Variants in IQCJ observed in about 807,000 individuals in gnomAD.
The protein encoded by IQCJ is IQ domain-containing protein J.
Under a neutral mutation model 11.0 loss-of-function variants are expected in IQCJ, and 9 were observed. That is an observed-to-expected ratio of 0.82 (90% confidence interval 0.49 to 1.43). The LOEUF (loss-of-function observed/expected upper bound fraction) is 1.43, where lower values mean the gene tolerates loss of function less well. IQCJ is among the 40% of genes most tolerant of loss of function. IQCJ has a pLI of 0.00. For missense variants in IQCJ, 146 were observed against 133.2 expected (o/e 1.10, Z -0.47); for synonymous variants, 55 against 51.3 (o/e 1.07, Z -0.31).
intron 1 of IQCJ, among the ~76,000 whole-genome samples, chr3:159,109,652 GGTGTGGGT>G (rs1478097744): frequency 3.3e-5 from 5 of 151,706 alleles, no homozygotes; most frequent in East Asian, 1.9e-4. Context: ...GATTTTCTTT[GGTGTGGGT>G]GTGTGGGTGT....
intron 1 of IQCJ, among the ~76,000 whole-genome samples, chr3:159,159,608 A>G (rs1201268120): frequency 6.6e-6 from 1 of 152,054 alleles, no homozygotes; most frequent in East Asian, 1.9e-4. Flanking sequence ...CATGTAATTT[A>G]TTTTCTGTCT....
intron 2 of IQCJ, among the ~76,000 whole-genome samples, chr3:159,246,759 G>T (rs1727297216): frequency 6.6e-6 from 1 of 152,212 alleles, no homozygotes; most frequent in Admixed American, 6.5e-5. Flanking sequence ...GAGAAAAGAA[G>T]TCTCAGAAGA....
chr3:159,123,714 C>T (rs1316401555), intron 1 of IQCJ, among the ~76,000 whole-genome samples: 1 of 152,134 alleles, frequency 6.6e-6, no homozygotes, highest in African/African-American at 2.4e-5. Context: ...TTTGATTTTC[C>T]AGCTCCAAGC....
At chr3:159,149,661 C>G (rs1360126697) in intron 1 of IQCJ, among the ~76,000 whole-genome samples, 2 of 152,160 alleles carry the variant, frequency 1.3e-5, no homozygotes, top group African/African-American at 4.8e-5. Context: ...GCATAGTCTC[C>G]TGGTGTAAGC....
intron 1 of IQCJ, among the ~76,000 whole-genome samples, chr3:159,192,300 ATT>A (rs3030045): frequency 0.68 from 103,074 of 151,854 alleles, 35,628 homozygotes; most frequent in African/African-American, 0.8. Context: ...ATCAAGGGCA[ATT>A]TTTGGGGTGG....
chr3:159,211,331 A>T (rs1560027051), intron 1 of IQCJ, among the ~76,000 whole-genome samples: 1 of 152,232 alleles, frequency 6.6e-6, no homozygotes, highest in Non-Finnish European at 1.5e-5. Context: ...CTTGAAAAGC[A>T]TTTTAACAAA....
chr3:159,163,262 G>T (rs1721975855), intron 1 of IQCJ, among the ~76,000 whole-genome samples: 1 of 152,144 alleles, frequency 6.6e-6, no homozygotes, highest in South Asian at 2.1e-4. Flanking sequence ...TGCAAGCCTG[G>T]TTCAATATAC....
At chr3:159,204,600 T>C (rs1210967172) in intron 1 of IQCJ, among the ~76,000 whole-genome samples, 2 of 152,184 alleles carry the variant, frequency 1.3e-5, no homozygotes, top group African/African-American at 4.8e-5. Flanking sequence ...TTCAGCTATA[T>C]TGTATTGGTT....
chr3:159,260,853 A>G (rs554819240), intron 3 of IQCJ, among the ~76,000 whole-genome samples: 2 of 152,076 alleles, frequency 1.3e-5, no homozygotes, highest in South Asian at 2.1e-4. Flanking sequence ...ACAATTCTAT[A>G]CAAATCATGA....
At chr3:159,071,806 T>C (rs1300441854) in intron 1 of IQCJ, among the ~76,000 whole-genome samples, 1 of 152,102 alleles carries the variant, frequency 6.6e-6, no homozygotes, top group Non-Finnish European at 1.5e-5. Context: ...CAGGCCTTTA[T>C]TTTATGAAAC....
At chr3:159,201,044 G>A (rs73164398) in intron 1 of IQCJ, among the ~76,000 whole-genome samples, 24,999 of 152,128 alleles carry the variant, frequency 0.16, 2,659 homozygotes, top group South Asian at 0.36. Flanking sequence ...AAGTAAAGAA[G>A]TATATGTAGT....
At chr3:159,218,732 T>G (rs1725374579) in intron 1 of IQCJ, among the ~76,000 whole-genome samples, 1 of 152,124 alleles carries the variant, frequency 6.6e-6, no homozygotes, top group Non-Finnish European at 1.5e-5. Context: ...GAGTGAATCT[T>G]TGTATTAGTT....
intron 3 of IQCJ, among the ~76,000 whole-genome samples, chr3:159,256,395 G>A (rs928972267): frequency 6.6e-6 from 1 of 152,142 alleles, no homozygotes; most frequent in East Asian, 1.9e-4. Context: ...GAGAGAGATA[G>A]CATTCCCAAA....
At chr3:159,101,067 C>T (rs1184541678) in intron 1 of IQCJ, among the ~76,000 whole-genome samples, 1 of 85,646 alleles carries the variant, frequency 1.2e-5, no homozygotes, top group Non-Finnish European at 2.4e-5. Context: ...GATATAGTCT[C>T]GTGGTGCGCC....
intron 1 of IQCJ, among the ~76,000 whole-genome samples, chr3:159,169,478 G>A (rs1001271678): frequency 6.6e-6 from 1 of 151,156 alleles, no homozygotes; most frequent in African/African-American, 2.4e-5. Context: ...GTAGAGGCGG[G>A]GTGGTTTCAC....
chr3:159,137,773 T>A (rs2108173609), intron 1 of IQCJ, among the ~76,000 whole-genome samples: 1 of 152,288 alleles, frequency 6.6e-6, no homozygotes, highest in African/African-American at 2.4e-5. Flanking sequence ...CTATTTTTCA[T>A]CTCTAATGCT....
At chr3:159,076,034 T>G (rs1185237576) in intron 1 of IQCJ, among the ~76,000 whole-genome samples, 1 of 152,130 alleles carries the variant, frequency 6.6e-6, no homozygotes, top group Non-Finnish European at 1.5e-5. Context: ...CTCTCAAACT[T>G]TCCTGTATAC....
chr3:159,129,465 T>A (rs1377079876), intron 1 of IQCJ, among the ~76,000 whole-genome samples: 2 of 152,160 alleles, frequency 1.3e-5, no homozygotes, highest in Non-Finnish European at 2.9e-5. Flanking sequence ...ACAAGTTGAC[T>A]AGAGGTGGGG....
At chr3:159,162,596 G>C (rs1269653800) in intron 1 of IQCJ, among the ~76,000 whole-genome samples, 1 of 151,984 alleles carries the variant, frequency 6.6e-6, no homozygotes, top group Non-Finnish European at 1.5e-5. Flanking sequence ...GAGAGATAGA[G>C]ACACAAAAAA....
Sources: allele counts gnomAD v4.1 joint callset (sites outside exome capture counted in the v4.1 genomes callset), GRCh38; gene constraint gnomAD v4.1.1; transcripts MANE v1.5; gene names NCBI Gene and HGNC (gene_info 2026-07-23, HGNC 2026-07-21).